Variants in AFAP1L1 observed in about 807,000 individuals in gnomAD.
The protein encoded by AFAP1L1 is actin filament associated protein 1 like 1.
In AFAP1L1, 77 loss-of-function variants were observed where a neutral mutation model predicts 99.8. The ratio of observed to expected loss-of-function variants is 0.77; its 90% confidence interval spans 0.64 to 0.93. The LOEUF (loss-of-function observed/expected upper bound fraction) is 0.93, where lower values mean the gene tolerates loss of function less well. Among genes scored for constraint, AFAP1L1 ranks in the 40% least tolerant of loss-of-function variants. AFAP1L1 has a pLI of 0.00. For synonymous variants in AFAP1L1, 373 were observed against 395.3 expected, an observed-to-expected ratio of 0.94 and a Z score of 0.67; for missense variants, 893 against 996.8, an observed-to-expected ratio of 0.90 and a Z score of 1.40.
chr5:149,283,000 C>G (rs907972301), intron 1 of AFAP1L1, among the ~76,000 whole-genome samples: 3 of 152,138 alleles, frequency 2.0e-5, no homozygotes, highest in Non-Finnish European at 4.4e-5. Flanking sequence ...TGAGCACAGC[C>G]CATTCCATCC....
chr5:149,339,873 A>G lies in AFAP1L1; in HGVS notation c.2284-134A>G, dbSNP rs545609124. On this transcript the variant is annotated intron_variant, in intron 18 of 18. Coordinates refer to ENST00000296721, the MANE Select transcript of AFAP1L1 (RefSeq NM_152406.4). ...GTGACTTACTCAGGGCCACAGAAAG[A>G]GAGAGAGGGGGTTAGAACCCAACGC... The G allele has an allele frequency of 6.0e-5, 45 of 751,564 alleles. No homozygotes were observed. The African/African-American group carries it at 7.9e-4, about 13-fold the overall frequency. 46.6% of individuals were successfully genotyped at this position (751,564 alleles called of 1,614,324 possible). A position where few individuals can be genotyped will look rare whatever the true frequency, so the allele number is the denominator to read the frequency against.
At chr5:149,325,470 G>C (rs1757070414) in intron 15 of AFAP1L1, among the ~76,000 whole-genome samples, 1 of 152,214 alleles carries the variant, frequency 6.6e-6, no homozygotes, top group Admixed American at 6.5e-5. Context: ...CCTCTACCCA[G>C]ATGATAGAGC....
chr5:149,272,271 G>A (rs999948959), intron 1 of AFAP1L1, among the ~76,000 whole-genome samples: 1 of 152,230 alleles, frequency 6.6e-6, no homozygotes, highest in African/African-American at 2.4e-5. Flanking sequence ...TCCCCCTCTA[G>A]TTTCCGGAGG....
chr5:149,332,362 C>G (rs769725330), intron 16 of AFAP1L1, among the ~76,000 whole-genome samples: 8 of 151,974 alleles, frequency 5.3e-5, no homozygotes, highest in Non-Finnish European at 8.8e-5. Context: ...ACCCACTGCA[C>G]TCCACCCTGG....
intron 17 of AFAP1L1, 23 bp downstream of exon 17, chr5:149,332,896 C>T (rs1330701540): frequency 6.5e-7 from 1 of 1,538,634 alleles, no homozygotes; most frequent in African/African-American, 1.4e-5. Context: ...CCTTCCATGC[C>T]AGGGGCAGCT....
intron 1 of AFAP1L1, among the ~76,000 whole-genome samples, chr5:149,294,885 T>G (rs1755970092): frequency 1.3e-5 from 2 of 152,296 alleles, no homozygotes; most frequent in South Asian, 4.1e-4. Context: ...TGATGGAGCA[T>G]TCAGATGTGG....
chr5:149,280,301 G>A (rs1020088235), intron 1 of AFAP1L1, among the ~76,000 whole-genome samples: 1 of 152,140 alleles, frequency 6.6e-6, no homozygotes, highest in Non-Finnish European at 1.5e-5. Flanking sequence ...GCCTCGGATA[G>A]GAGCTTCCTG....
At chr5:149,288,545 G>A (rs558950796) in intron 1 of AFAP1L1, among the ~76,000 whole-genome samples, 1 of 152,326 alleles carries the variant, frequency 6.6e-6, no homozygotes, top group East Asian at 1.9e-4. Context: ...AGGAGGCGGT[G>A]CAGGACGCTG....
intron 14 of AFAP1L1, among the ~76,000 whole-genome samples, chr5:149,321,809 G>A (rs1756960564): frequency 6.6e-6 from 1 of 151,962 alleles, no homozygotes; most frequent in African/African-American, 2.4e-5. Flanking sequence ...GGAAGCTGAG[G>A]TGGGTGGATC....
At position 149,320,202 on chromosome 5, in the gene AFAP1L1, C is replaced by T. The variant is rs932170535; in HGVS notation, c.1626-189C>T. 2.6e-5 allele frequency among the ~76,000 whole-genome samples: 4 copies of T among 152,192 alleles called. No individual in the cohort carries two copies. Among genetic ancestry groups the T allele is most frequent in the Admixed American group, 6.5e-5 (1 of 15,280 alleles). ...CTGCCTTGCAGGTTGTTATGAGAAT[C>T]ACATTGGTCCTGTCTGTGACGCCCT... On this transcript the variant is annotated intron_variant, in intron 13 of 18. Transcript: ENST00000296721. The surrounding 1 kb of genome is among the most constrained non-coding windows in gnomAD (Gnocchi z 4.0).
intron 17 of AFAP1L1, among the ~76,000 whole-genome samples, chr5:149,335,217 G>T (rs1307589137): frequency 6.6e-6 from 1 of 152,176 alleles, no homozygotes; most frequent in Non-Finnish European, 1.5e-5. Flanking sequence ...GCCAGGCACA[G>T]TAGCTCACAC....
intron 1 of AFAP1L1, among the ~76,000 whole-genome samples, chr5:149,278,990 T>A (rs1463241194): frequency 2.0e-5 from 3 of 152,344 alleles, no homozygotes; most frequent in Non-Finnish European, 1.5e-5. Context: ...CTATAGTACA[T>A]TTCCATTCCG....
intron 2 of AFAP1L1, 43 bp from the exon 3 acceptor site, chr5:149,300,228 C>A: frequency 6.7e-7 from 1 of 1,484,350 alleles, no homozygotes; most frequent in Non-Finnish European, 9.3e-7. Flanking sequence ...GAGACCTGGT[C>A]CCTCCTCCTT....
chr5:149,330,759 G>A (rs1281495614), intron 16 of AFAP1L1, among the ~76,000 whole-genome samples: 1 of 152,006 alleles, frequency 6.6e-6, no homozygotes, highest in African/African-American at 2.4e-5. Context: ...TTCCCCTATG[G>A]CACTACCACT....
Position 149,299,696 on chromosome 5 carries a change from C to T in AFAP1L1, c.145+59C>T, listed in dbSNP as rs562768521. The stretch of plus-strand genomic sequence containing the variant: ...ACTTATGTAGGACAACAAAACCTCC[C>T]TTCACTGACTCAAGAACATGCAGGA... On this transcript the variant is annotated intron_variant, in intron 2 of 18. Coordinates refer to ENST00000296721, the MANE Select transcript of AFAP1L1 (RefSeq NM_152406.4). The T allele has an allele frequency of 5.4e-5, 87 of 1,607,946 alleles. 1 individual carries two copies. The African/African-American group carries it at 1.1e-3, about 20-fold the overall frequency.
chr5:149,272,103 C>A (rs1581275697), intron 1 of AFAP1L1, 119 bp downstream of exon 1: 3 of 1,023,780 alleles, frequency 2.9e-6, no homozygotes, highest in East Asian at 3.3e-5. Flanking sequence ...GGCTGAGGAA[C>A]GCTCGGAGGG....
At chr5:149,324,364 A>G (rs2127601355) in intron 15 of AFAP1L1, among the ~76,000 whole-genome samples, 1 of 151,004 alleles carries the variant, frequency 6.6e-6, no homozygotes, top group South Asian at 2.1e-4. Flanking sequence ...TCCTAAGGGC[A>G]CTAATCCTAC....
chr5:149,307,764 C>A, intron 7 of AFAP1L1, 151 bp downstream of exon 7: 1 of 725,552 alleles, frequency 1.4e-6, no homozygotes, highest in Non-Finnish European at 2.3e-6. Flanking sequence ...AAGATCAGGA[C>A]TTTCCCCACT....
At chr5:149,272,080 GCGGT>G in intron 1 of AFAP1L1, 96 bp downstream of exon 1, 1 of 1,163,106 alleles carries the variant, frequency 8.6e-7, no homozygotes. Flanking sequence ...AGAGAGGCGG[GCGGT>G]GGGGCGGGGG....
Sources: allele counts gnomAD v4.1 joint callset (sites outside exome capture counted in the v4.1 genomes callset), GRCh38; gene constraint gnomAD v4.1.1; non-coding constraint Gnocchi (gnomAD v3.1); transcripts MANE v1.5; gene names NCBI Gene and HGNC (gene_info 2026-07-23, HGNC 2026-07-21).